Variants in LRRC4C observed in about 807,000 individuals in gnomAD.
The protein encoded by LRRC4C is leucine rich repeat containing 4C.
Under a neutral mutation model 33.6 loss-of-function variants are expected in LRRC4C, and 5 were observed. The ratio of observed to expected loss-of-function variants is 0.15; its 90% CI spans 0.08 to 0.31. LRRC4C has a LOEUF of 0.31. LRRC4C is among the 10% of genes least tolerant of loss of function. LRRC4C has a pLI of 1.00. For synonymous variants in LRRC4C, 329 were observed against 302.0 expected, an observed-to-expected ratio of 1.09 and a Z score of -0.93; for missense variants, 560 against 796.7, an observed-to-expected ratio of 0.70 and a Z score of 3.58.
intron 3 of LRRC4C, among the ~76,000 whole-genome samples, chr11:40,371,597 TACAATCGTGGGTTTAATTA>T (rs1410367827): frequency 2.6e-5 from 4 of 152,222 alleles, no homozygotes; most frequent in Non-Finnish European, 4.4e-5. Context: ...CCCTTTCGGA[TACAATCGTGGGTTTAATTA>T]ACTCTTATTG....
At chr11:41,230,127 G>T (rs557711829) in intron 1 of LRRC4C, among the ~76,000 whole-genome samples, 1 of 151,832 alleles carries the variant, frequency 6.6e-6, no homozygotes, top group African/African-American at 2.4e-5. Flanking sequence ...TCAGAGGATT[G>T]GTCTTCTCTT....
chr11:40,128,909 C>A (rs1856453048), intron 6 of LRRC4C, among the ~76,000 whole-genome samples: 1 of 152,062 alleles, frequency 6.6e-6, no homozygotes, highest in African/African-American at 2.4e-5. Context: ...TAATAAGTTA[C>A]CTATATTCAA....
chr11:40,830,681 C>T (rs1952373594), intron 2 of LRRC4C, among the ~76,000 whole-genome samples: 1 of 151,996 alleles, frequency 6.6e-6, no homozygotes, highest in South Asian at 2.1e-4. Context: ...TCAGAGTCTC[C>T]CTCTACCCTT....
intron 1 of LRRC4C, among the ~76,000 whole-genome samples, chr11:41,003,708 T>C (rs907567695): frequency 6.6e-6 from 1 of 151,830 alleles, no homozygotes; most frequent in African/African-American, 2.4e-5. Flanking sequence ...CATGAGGTCA[T>C]CTGGTATGCC....
At chr11:41,250,670 T>G (rs540218469) in intron 1 of LRRC4C, among the ~76,000 whole-genome samples, 4 of 152,206 alleles carry the variant, frequency 2.6e-5, no homozygotes, top group Admixed American at 6.5e-5. Flanking sequence ...ACATGCTCAG[T>G]ACGTTTGGCT....
chr11:40,580,058 G>GGTGTGTGT (rs72110597), intron 3 of LRRC4C, among the ~76,000 whole-genome samples: 4,276 of 145,488 alleles, frequency 0.029, 95 homozygotes, highest in South Asian at 0.081. Flanking sequence ...GTACTTTTCA[G>GGTGTGTGT]GTGTGTGTGT....
intron 2 of LRRC4C, among the ~76,000 whole-genome samples, chr11:40,806,563 T>G (rs1951260885): frequency 6.6e-6 from 1 of 152,186 alleles, no homozygotes; most frequent in African/African-American, 2.4e-5. Context: ...GACCCCCTCC[T>G]TTTCCAAGAG....
intron 5 of LRRC4C, among the ~76,000 whole-genome samples, chr11:40,167,221 T>C (rs1859669533): frequency 6.6e-6 from 1 of 152,144 alleles, no homozygotes; most frequent in Non-Finnish European, 1.5e-5. Context: ...AAATTGGAGT[T>C]TCTTGAAAAT....
chr11:40,745,017 G>C (rs1160225755), intron 2 of LRRC4C, among the ~76,000 whole-genome samples: 2 of 152,188 alleles, frequency 1.3e-5, no homozygotes, highest in East Asian at 3.9e-4. Flanking sequence ...TTAAGGCATT[G>C]CATAAAATAA....
In LRRC4C at chr11:40,228,220, A is replaced by G. The variant is rs555631297; in HGVS notation, c.-96+13299T>C. Among the ~76,000 whole-genome samples the G allele has an allele frequency of 2.6e-5, 4 of 152,330 alleles. No individual in the cohort carries two copies. The South Asian group carries it at 8.3e-4, about 32-fold the overall frequency. ...CAGTTACGTAACCCTCAACTAAGCA[A>G]TGTCAGAAAGCCTGTAATATTTACT... On this transcript the variant is annotated intron_variant, in intron 5 of 6. Transcript: ENST00000528697.
chr11:40,643,013 C>T (rs543714968), intron 3 of LRRC4C, among the ~76,000 whole-genome samples: 1 of 152,194 alleles, frequency 6.6e-6, no homozygotes, highest in East Asian at 1.9e-4. Context: ...TGGAAAAATG[C>T]TTAAGAGGAT....
rs573436015 is a variant in LRRC4C at position 41,458,611 on chromosome 11, G to T, written c.-496+820C>A. 9.2e-5 allele frequency among the ~76,000 whole-genome samples: 14 copies of T among 151,976 alleles called. No homozygotes were observed. In the South Asian group the frequency reaches 2.9e-3, roughly 32 times the overall value. ...CAGGAAACTAAAGAGACTGAGTTAG[G>T]CAAGATGTTTGACTAAAGTCACCTG... is the stretch of plus-strand genomic sequence containing the variant. On this transcript the variant is annotated intron_variant, in intron 1 of 6. Transcript: ENST00000528697.
intron 1 of LRRC4C, among the ~76,000 whole-genome samples, chr11:41,280,570 T>G (rs1187706208): frequency 1.3e-5 from 2 of 152,246 alleles, no homozygotes; most frequent in East Asian, 3.8e-4. Flanking sequence ...GATATAGGCA[T>G]GCAGATATCA....
intron 4 of LRRC4C, among the ~76,000 whole-genome samples, chr11:40,260,873 CA>C (rs1286342172): frequency 6.6e-6 from 1 of 152,006 alleles, no homozygotes; most frequent in African/African-American, 2.4e-5. Context: ...ACAAAACATA[CA>C]AAAAATTCTT....
At chr11:40,590,528 T>C (rs142629455) in intron 3 of LRRC4C, among the ~76,000 whole-genome samples, 50,569 of 151,644 alleles carry the variant, frequency 0.33, 8,586 homozygotes, top group Middle Eastern at 0.44. Context: ...TGAGGAACTG[T>C]GTTCCTTTGG....
chr11:41,360,519 G>C (rs1426252222), intron 1 of LRRC4C, among the ~76,000 whole-genome samples: 2 of 152,106 alleles, frequency 1.3e-5, no homozygotes, highest in African/African-American at 4.8e-5. Flanking sequence ...CAATGGAATA[G>C]CATGGTTTTA....
chr11:41,080,498 T>A (rs1939493361), intron 1 of LRRC4C, among the ~76,000 whole-genome samples: 1 of 151,982 alleles, frequency 6.6e-6, no homozygotes, highest in South Asian at 2.1e-4. Flanking sequence ...ATTACAGGCA[T>A]GTGCCACTAT....
intron 6 of LRRC4C, among the ~76,000 whole-genome samples, chr11:40,128,537 A>T (rs7925475): frequency 0.46 from 69,738 of 152,108 alleles, 16,295 homozygotes; most frequent in African/African-American, 0.52. Context: ...TTTTAAATTA[A>T]AAATATGTTC....
At chr11:41,385,490 T>C (rs1055368892) in intron 1 of LRRC4C, among the ~76,000 whole-genome samples, 1 of 151,542 alleles carries the variant, frequency 6.6e-6, no homozygotes, top group Non-Finnish European at 1.5e-5. Context: ...AAATTTTTGA[T>C]ATAAAAAACA....
Sources: allele counts gnomAD v4.1 joint callset (sites outside exome capture counted in the v4.1 genomes callset), GRCh38; gene constraint gnomAD v4.1.1; transcripts MANE v1.5; gene names NCBI Gene and HGNC (gene_info 2026-07-23, HGNC 2026-07-21).